The following ZNF385D variants were observed in gnomAD, a reference collection of about 807,000 sequenced individuals.
ZNF385D encodes zinc finger protein 385D.
Under a neutral mutation model 35.8 loss-of-function variants are expected in ZNF385D, and 15 were observed. That is an observed-to-expected ratio of 0.42 (90% CI 0.28 to 0.64). The LOEUF is 0.64. Ranked by LOEUF, ZNF385D falls within the 30% of genes least tolerant of loss-of-function variation. The probability of loss-of-function intolerance (pLI) is 0.23; values close to 1 mark genes in which losing one functional copy is unlikely to be tolerated. For synonymous variants in ZNF385D, 212 were observed against 186.8 expected (o/e 1.13, Z -1.10); for missense variants, 474 against 494.6 (o/e 0.96, Z 0.39).
chr3:21,801,606 C>G (rs1033952611), intron 3 of ZNF385D, among the ~76,000 whole-genome samples: 9 of 152,098 alleles, frequency 5.9e-5, no homozygotes, highest in African/African-American at 2.2e-4. Flanking sequence ...CATTCTTAAT[C>G]TACTGTAGCA....
At chr3:22,330,969 A>C (rs1694906158) in intron 2 of ZNF385D, among the ~76,000 whole-genome samples, 1 of 152,138 alleles carries the variant, frequency 6.6e-6, no homozygotes, top group African/African-American at 2.4e-5. Context: ...TGTCCACCTT[A>C]TTGTGCTGCT....
rs112318045 is a variant in ZNF385D, at chr3:22,063,010, T to C, written c.325+105807A>G. ...AACAAGACACTCTCAGCCTCATGAC[T>C]CACAGAAATTACACGGGATAATTTT... On this transcript the variant is annotated intron_variant, in intron 3 of 5. Transcript: ENST00000494108. Among the ~76,000 whole-genome samples, 1,244 of 152,272 alleles carry C rather than the reference T, an allele frequency of 8.2e-3. 10 individuals are homozygous for C. The highest frequency in any genetic ancestry group is 0.028 in the African/African-American group (1,178 of 41,554).
At chr3:22,142,584 G>C (rs769099134) in intron 3 of ZNF385D, among the ~76,000 whole-genome samples, 48 of 151,784 alleles carry the variant, frequency 3.2e-4, no homozygotes, top group African/African-American at 1.2e-3. Context: ...CTCTACGGTG[G>C]TCTCCAACCC....
intron 3 of ZNF385D, among the ~76,000 whole-genome samples, chr3:22,004,898 C>T (rs1052369027): frequency 6.6e-6 from 1 of 151,710 alleles, no homozygotes; most frequent in African/African-American, 2.4e-5. Flanking sequence ...TGTGTAAAAC[C>T]AAGCTGTGCC....
In ZNF385D at chr3:22,036,664, C is replaced by T. The variant is rs544563864; in HGVS notation, c.325+132153G>A. On this transcript the variant is annotated intron_variant, in intron 3 of 5. Transcript: ENST00000494108. ...CAAAGAGCACCTTCTACCATAAAAC[C>T]CTTCTTTTAGAATACAATACGAGAA... 4.8e-4 allele frequency among the ~76,000 whole-genome samples: 72 copies of T among 150,840 alleles called. 1 individual carries two copies. The highest frequency in any genetic ancestry group is 3.5e-3 in the Middle Eastern group (1 of 282).
intron 3 of ZNF385D, among the ~76,000 whole-genome samples, chr3:21,830,885 A>C (rs1237711459): frequency 2.0e-5 from 3 of 152,190 alleles, no homozygotes; most frequent in African/African-American, 4.8e-5. Context: ...CCATTGATCC[A>C]ATTTATTCAC....
At chr3:22,322,023 TACCC>T (rs1694460503) in intron 2 of ZNF385D, among the ~76,000 whole-genome samples, 1 of 152,192 alleles carries the variant, frequency 6.6e-6, no homozygotes, top group African/African-American at 2.4e-5. Context: ...TCCCTGCCTT[TACCC>T]AATTATAGCT....
At chr3:21,614,832 C>A (rs1370783926) in intron 2 of ZNF385D, among the ~76,000 whole-genome samples, 3 of 152,194 alleles carry the variant, frequency 2.0e-5, no homozygotes, top group Non-Finnish European at 4.4e-5. Flanking sequence ...CGTGATCTGC[C>A]TGCCTCGGCC....
intron 3 of ZNF385D, among the ~76,000 whole-genome samples, chr3:21,912,372 C>A (rs1700003123): frequency 6.6e-6 from 1 of 151,182 alleles, no homozygotes; most frequent in South Asian, 2.1e-4. Flanking sequence ...TGACAGTTAA[C>A]ATCAAGTTTT....
chr3:22,085,229 C>A (rs1227971611), intron 3 of ZNF385D, among the ~76,000 whole-genome samples: 1 of 152,020 alleles, frequency 6.6e-6, no homozygotes, highest in Non-Finnish European at 1.5e-5. Context: ...GAATTAAGAT[C>A]AGAGCAGAAC....
chr3:22,240,434 TG>T, intron 2 of ZNF385D, among the ~76,000 whole-genome samples: 1 of 151,150 alleles, frequency 6.6e-6, no homozygotes, highest in South Asian at 2.2e-4. Context: ...TCAGCTGTTC[TG>T]ACCAGTTCCA....
chr3:22,005,250 G>C (rs957954214), intron 3 of ZNF385D, among the ~76,000 whole-genome samples: 5 of 151,702 alleles, frequency 3.3e-5, no homozygotes, highest in Non-Finnish European at 7.4e-5. Flanking sequence ...TCTTATCCTA[G>C]TTAGAATGGC....
At chr3:22,082,707 C>G (rs1370904557) in intron 3 of ZNF385D, among the ~76,000 whole-genome samples, 1 of 152,176 alleles carries the variant, frequency 6.6e-6, no homozygotes, top group African/African-American at 2.4e-5. Flanking sequence ...AGTGGTTCTC[C>G]CAGCATGGTG....
chr3:22,196,710 T>C (rs531204811), intron 2 of ZNF385D, among the ~76,000 whole-genome samples: 22 of 152,208 alleles, frequency 1.4e-4, no homozygotes, highest in African/African-American at 5.1e-4. Flanking sequence ...TTTTACGTCA[T>C]TTATTACAAT....
upstream of ZNF385D, among the ~76,000 whole-genome samples, chr3:21,755,732 T>A (rs1036249554): frequency 1.3e-5 from 2 of 152,200 alleles, no homozygotes; most frequent in Admixed American, 1.3e-4. Context: ...CTCATACAAA[T>A]CCATCGTTTA....
chr3:21,560,900 G>T (rs1005036535), intron 3 of ZNF385D, among the ~76,000 whole-genome samples: 2 of 152,128 alleles, frequency 1.3e-5, no homozygotes, highest in African/African-American at 2.4e-5. Flanking sequence ...CTGAGCTTCA[G>T]TGGGCTCCGC....
At position 22,115,567 on chromosome 3, in the gene ZNF385D, T is replaced by C. The variant is rs372308293; in HGVS notation, c.325+53250A>G. ...AATGCTGTATGGCAGCTATAATTAA[T>C]AATGGCAAAGATAATTGATTATATG... On this transcript the variant is annotated intron_variant, in intron 3 of 5. Coordinates refer to the ZNF385D transcript ENST00000494108. Among the ~76,000 whole-genome samples the C allele has an allele frequency of 4.6e-5, 7 of 152,202 alleles. 1 individual carries two copies. Among genetic ancestry groups the C allele is most frequent in the East Asian group, 3.9e-4 (2 of 5,178 alleles).
intron 3 of ZNF385D, among the ~76,000 whole-genome samples, chr3:21,951,586 C>G (rs1440388467): frequency 6.6e-6 from 1 of 151,484 alleles, no homozygotes; most frequent in Non-Finnish European, 1.5e-5. Flanking sequence ...TCCAATACTA[C>G]GTTGAATAAG....
chr3:21,703,994 G>A (rs1462128600), intron 1 of ZNF385D, among the ~76,000 whole-genome samples: 1 of 152,134 alleles, frequency 6.6e-6, no homozygotes, highest in Admixed American at 6.5e-5. Flanking sequence ...TGCTTTGTAG[G>A]GCCCTGCCTG....
Sources: allele counts gnomAD v4.1 joint callset (sites outside exome capture counted in the v4.1 genomes callset), GRCh38; gene constraint gnomAD v4.1.1; transcripts MANE v1.5; gene names NCBI Gene and HGNC (gene_info 2026-07-23, HGNC 2026-07-21).